The following IRAK1 variants were observed in gnomAD, a reference collection of about 807,000 sequenced individuals.
IRAK1 encodes interleukin-1 receptor-associated kinase 1.
Under a neutral mutation model 49.8 loss-of-function variants are expected in IRAK1, and 9 were observed. The observed-to-expected ratio is 0.18, with a 90% CI of 0.11 to 0.32. The LOEUF is 0.32. Among genes scored for constraint, IRAK1 ranks in the 10% least tolerant of loss-of-function variants. The pLI, the probability that IRAK1 is intolerant of heterozygous loss-of-function variation, is 1.00. For missense variants in IRAK1, 418 were observed against 600.5 expected, an observed-to-expected ratio of 0.70 and a Z score of 3.18; for synonymous variants, 282 against 270.8, an observed-to-expected ratio of 1.04 and a Z score of -0.41.
At position 154,018,054 on chromosome X, in the gene IRAK1, C is replaced by T. The variant is rs782065950; in HGVS notation, c.861G>A (p.Val287=). The T allele has an allele frequency of 8.3e-6, 10 of 1,209,872 alleles. No individual in the cohort carries two copies. In the African/African-American group the frequency reaches 1.4e-4, roughly 17 times the overall value. ...YCAQNGFYCL[V]YGFLPNGSLE... ...GGGAGCCGTTGGGCAGGAAGCCGTA[C>T]ACCAGGCAGTAGAAGCCGTTCTGAG... Residue 287 remains valine, a synonymous_variant, in exon 7 of 14, where the codon GTG becomes GTA. Coordinates refer to ENST00000369980, the MANE Select transcript of IRAK1 (RefSeq NM_001569.4).
chrX:154,017,941 C>T (rs782688370), intron 7 of IRAK1, 65 bp downstream of exon 7: 4 of 853,190 alleles, frequency 4.7e-6, no homozygotes, highest in South Asian at 2.0e-5. Context: ...GCCCCGCGCC[C>T]GGCTCCAGCC....
chrX:154,013,178 G>A lies in IRAK1; in HGVS notation c.1795C>T (p.Leu599=). 2.5e-6 allele frequency: 3 copies of A among 1,209,556 alleles called. No homozygotes were observed. The highest frequency in any genetic ancestry group is 3.4e-6 in the Non-Finnish European group (3 of 895,155). The change falls in exon 12 of 14, where the codon CTG becomes TTG. Residue 599 remains leucine (L), a synonymous_variant. Coordinates refer to ENST00000369980, the MANE Select transcript of IRAK1 (RefSeq NM_001569.4). ...DESLGGLSAA[L]RSWHLTPSCP... is the part of the protein sequence containing the mutation. The stretch of plus-strand genomic sequence containing the variant: ...CTTGGAGTCAAGTGCCAGGAGCGCA[G>A]GGCAGCAGAGAGGCCGCCTAGGCTC...
chrX:154,017,925 C>T, intron 7 of IRAK1, 81 bp downstream of exon 7: 1 of 692,025 alleles, frequency 1.4e-6, no homozygotes, highest in Non-Finnish European at 2.3e-6. Flanking sequence ...AGGCTGAAAG[C>T]CCTAGGCCCC....
At position 154,016,602 on chromosome X, in the gene IRAK1, T is replaced by C. The variant is rs1557129299; in HGVS notation, c.1071A>G (p.Gly357=). ...GGCTGAACCGGGCCAGGCCAAAGTC[T>C]CCCAGCTTGGGTGTCAGCCTCTCAT... is the stretch of plus-strand genomic sequence containing the variant. ...LLDERLTPKL[G]DFGLARFSRF... The change falls in exon 9 of 14, where the codon GGA becomes GGG. Residue 357 remains glycine, a synonymous_variant. Coordinates refer to ENST00000369980, the MANE Select transcript of IRAK1 (RefSeq NM_001569.4). 1 of 1,211,162 alleles carries C rather than the reference T, an allele frequency of 8.3e-7. No homozygotes were observed. The highest frequency in any genetic ancestry group is 1.1e-6 in the Non-Finnish European group (1 of 895,177).
intron 3 of IRAK1, 40 bp downstream of exon 3, chrX:154,019,154 CTCT>C: frequency 3.3e-6 from 4 of 1,209,719 alleles, no homozygotes; most frequent in Non-Finnish European, 4.5e-6. Context: ...TCAAGGTGGG[CTCT>C]TCTTTGGGTC....
chrX:154,017,569 G>A (rs373965270), intron 7 of IRAK1, among the ~76,000 whole-genome samples: 7 of 111,603 alleles, frequency 6.3e-5, no homozygotes, highest in East Asian at 2.8e-4. Context: ...GCTGAGGCGC[G>A]CAGACCACCT....
In IRAK1 at chrX:154,016,706, T is replaced by A. The variant is rs2065741278; in HGVS notation, c.1029-62A>T. ...AGCTCCTACACCTGCCCGGCTTAGA[T>A]AAGGCTGGACTCGAGGCTGCCAGCC... On this transcript the variant is annotated intron_variant, in intron 8 of 13. Transcript: ENST00000369980. 3.0e-6 allele frequency: 3 copies of A among 1,006,142 alleles called. No homozygotes were observed. The African/African-American group carries it at 5.6e-5, about 19-fold the overall frequency. 82.9% of individuals were successfully genotyped at this position (1,006,142 alleles called of 1,213,427 possible).
In IRAK1 at chrX:154,016,112, G is replaced by A. The variant is rs1050588703; in HGVS notation, c.1237-15C>T. The A allele has an allele frequency of 8.4e-7, 1 of 1,192,377 alleles. No homozygotes were observed. The highest frequency in any genetic ancestry group is 1.7e-5 in the African/African-American group (1 of 57,615). On this transcript the variant is annotated splice_polypyrimidine_tract_variant and intron_variant, in intron 9 of 13. Transcript: ENST00000369980. ...TCTAGCACTACCTGGAGAGAGGGAA[G>A]AGGGAGAGCATGGCAGTGGCCTTGG...
chrX:154,018,415 C>T (rs1342997650), intron 5 of IRAK1, 60 bp from the exon 6 acceptor site: 8 of 1,036,164 alleles, frequency 7.7e-6, no homozygotes, highest in Admixed American at 4.7e-5. Context: ...GTGAGGCTCT[C>T]GAAGCGAAGG....
In IRAK1 at chrX:154,013,437, C is replaced by T; in HGVS notation, c.1540-4G>A. On this transcript the variant is annotated splice_polypyrimidine_tract_variant and splice_region_variant and intron_variant, in intron 11 of 13. Coordinates refer to ENST00000369980, the MANE Select transcript of IRAK1 (RefSeq NM_001569.4). ...GCTTCTCTAGCCTCTCGTACACCTG[C>T]AAGTGGAAAAGAGGGACTCTCAGGG... 1.7e-6 allele frequency: 2 copies of T among 1,170,835 alleles called. No individual in the cohort carries two copies. The highest frequency in any genetic ancestry group is 3.0e-5 in the East Asian group (1 of 33,520).
At chrX:154,014,394 G>C in intron 10 of IRAK1, 116 bp from the exon 11 acceptor site, 1 of 648,157 alleles carries the variant, frequency 1.5e-6, no homozygotes, top group Non-Finnish European at 2.3e-6. Flanking sequence ...AAAAAAAAAA[G>C]AGATGGGGTC....
chrX:154,013,871 G>A (rs1471698716), intron 11 of IRAK1, among the ~76,000 whole-genome samples, 171 bp downstream of exon 11: 5 of 112,386 alleles, frequency 4.4e-5, no homozygotes, highest in Admixed American at 1.9e-4. Flanking sequence ...AGGACTGCCC[G>A]GGGCCCCTCA....
intron 4 of IRAK1, 31 bp from the exon 5 acceptor site, chrX:154,018,818 T>A (rs782035514): frequency 1.6e-5 from 12 of 746,009 alleles, no homozygotes; most frequent in South Asian, 2.3e-5. Flanking sequence ...TCAGGTGGGG[T>A]CCCTGTCTCT....
chrX:154,017,513 G>A (rs913420507), intron 7 of IRAK1, among the ~76,000 whole-genome samples: 3 of 111,992 alleles, frequency 2.7e-5, no homozygotes, highest in African/African-American at 6.5e-5. Context: ...ACATTGGGTC[G>A]GGCCAGGCGT....
rs1048123538 is a variant in IRAK1, at chrX:154,010,952, G to A, written c.*907C>T. On this transcript the variant is annotated 3_prime_UTR_variant, in exon 14 of 14. Transcript: ENST00000369980. Reference sequence around the variant, plus strand: ...GCAGGCCACCACATTAGGCCAGCTCGCAGGTCCCCAGTAAAGCCTGAAGAC... The same window carrying A: ...GCAGGCCACCACATTAGGCCAGCTCACAGGTCCCCAGTAAAGCCTGAAGAC... 2.9e-6 allele frequency: 1 copy of A among 342,540 alleles called. No individual in the cohort carries two copies. Among genetic ancestry groups the A allele is most frequent in the Non-Finnish European group, 5.9e-6 (1 of 170,226 alleles). 28.2% of individuals were successfully genotyped at this position (342,540 alleles called of 1,213,427 possible).
At chrX:154,012,902 G>C (rs1438023740) in intron 12 of IRAK1, 141 bp downstream of exon 12, 1 of 836,142 alleles carries the variant, frequency 1.2e-6, no homozygotes, top group African/African-American at 2.1e-5. Flanking sequence ...GGCCTGGGGA[G>C]GGGAAACCAG....
Position 154,010,692 on chromosome X carries a change from CAT to C in IRAK1, c.*1165_*1166del. ...ATGAAACCTGACTTGCTTCTGAAGA[CAT>C]GTGATACATGTCTTTTCCCTGAAAA... On this transcript the variant is annotated 3_prime_UTR_variant, in exon 14 of 14. Coordinates refer to ENST00000369980, the MANE Select transcript of IRAK1 (RefSeq NM_001569.4). The C allele has an allele frequency of 8.6e-6, 2 of 233,037 alleles. No individual in the cohort carries two copies. Among genetic ancestry groups the C allele is most frequent in the Non-Finnish European group, 1.6e-5 (2 of 121,958 alleles). 19.2% of individuals were successfully genotyped at this position (233,037 alleles called of 1,213,427 possible).
intron 12 of IRAK1, 62 bp from the exon 13 acceptor site, chrX:154,012,740 C>T: frequency 1.8e-6 from 2 of 1,115,385 alleles, no homozygotes; most frequent in Non-Finnish European, 2.4e-6. Flanking sequence ...CAGCCTAGCA[C>T]CCTGCCTCCC....
intron 9 of IRAK1, 28 bp downstream of exon 9, chrX:154,016,406 CTCT>C: frequency 2.5e-6 from 3 of 1,184,161 alleles, no homozygotes; most frequent in Non-Finnish European, 3.4e-6. Context: ...GCTTCTCCTC[CTCT>C]GAGCCAGCAG....
Sources: allele counts gnomAD v4.1 joint callset (sites outside exome capture counted in the v4.1 genomes callset), GRCh38; gene constraint gnomAD v4.1.1; transcripts MANE v1.5; gene names NCBI Gene and HGNC (gene_info 2026-07-23, HGNC 2026-07-21).